Variants in GAK observed in about 807,000 individuals in gnomAD.
GAK encodes cyclin-G-associated kinase.
GAK carries 79 observed loss-of-function variants against 143.9 expected under a neutral mutation model. That is an observed-to-expected ratio of 0.55 (90% CI 0.46 to 0.66). The LOEUF is 0.66. GAK is among the 30% of genes least tolerant of loss of function. The pLI, the probability that GAK is intolerant of heterozygous loss-of-function variation, is 0.00. For synonymous variants in GAK, 881 were observed against 765.5 expected, an observed-to-expected ratio of 1.15 and a Z score of -2.49; for missense variants, 1,693 against 1,779.7, an observed-to-expected ratio of 0.95 and a Z score of 0.88.
chr4:890,420 G>A, intron 10 of GAK, 112 bp downstream of exon 10: 1 of 711,034 alleles, frequency 1.4e-6, no homozygotes, highest in Admixed American at 3.0e-5. Flanking sequence ...ATCTCTGGTG[G>A]GAGAGGAGGC....
At chr4:928,468 C>T (rs1725188072) in intron 1 of GAK, among the ~76,000 whole-genome samples, 1 of 152,186 alleles carries the variant, frequency 6.6e-6, no homozygotes, top group Non-Finnish European at 1.5e-5. Context: ...GAGTTCAAGG[C>T]TGCAGTGAGT....
At chr4:870,455 G>C (rs1278544457) in intron 19 of GAK, among the ~76,000 whole-genome samples, 10 of 152,184 alleles carry the variant, frequency 6.6e-5, no homozygotes, top group Admixed American at 5.2e-4. Context: ...AGGAGCCTGG[G>C]TTTTCCTCCC....
At chr4:912,315 G>A in intron 3 of GAK, 1 of 387,740 alleles carries the variant, frequency 2.6e-6, no homozygotes, top group Non-Finnish European at 5.3e-6. Context: ...CAGTCATGCT[G>A]GGACAGCCTG....
At chr4:864,755 G>C (rs1028605038) in intron 23 of GAK, among the ~76,000 whole-genome samples, 1 of 152,178 alleles carries the variant, frequency 6.6e-6, no homozygotes, top group Non-Finnish European at 1.5e-5. Context: ...CAGGAGGGAA[G>C]AGCCACGGGG....
In GAK at chr4:931,971, GCTGACGCTGCCCC is replaced by G. The variant is rs894325124; in HGVS notation, c.145+59_145+71del. On this transcript the variant is annotated intron_variant, in intron 1 of 27. Coordinates refer to ENST00000314167, the MANE Select transcript of GAK (RefSeq NM_005255.4). Reference sequence around the variant, plus strand: ...CCTAACCCACGCCCTTCCACTCCGGGCTGACGCTGCCCCCAGCGTCCCGGAGACAACACTCCGC... The same window carrying G: ...CCTAACCCACGCCCTTCCACTCCGGGCAGCGTCCCGGAGACAACACTCCGC... The G allele has an allele frequency of 2.6e-6, 3 of 1,136,888 alleles. No individual in the cohort carries two copies. In the African/African-American group the frequency reaches 4.7e-5, roughly 18 times the overall value. 70.4% of individuals were successfully genotyped at this position (1,136,888 alleles called of 1,614,324 possible).
At chr4:859,423 A>C in intron 24 of GAK, 183 bp downstream of exon 24, 1 of 1,558,236 alleles carries the variant, frequency 6.4e-7, no homozygotes, top group East Asian at 2.4e-5. Context: ...TTAGCTTGCC[A>C]GTTGGCAGTC....
At position 904,827 on chromosome 4, in the gene GAK, G is replaced by C. The variant is rs748545721; in HGVS notation, c.383-48C>G. ...TGGAGGCAGGAGAACAGGGTCCGGA[G>C]ACAGGGAACCTAGGGCTGTTTCACG... On this transcript the variant is annotated intron_variant, in intron 4 of 27. Transcript: ENST00000314167. 77 of 1,592,510 alleles carry C rather than the reference G, an allele frequency of 4.8e-5. 6 individuals are homozygous for C. Among genetic ancestry groups the C allele is most frequent in the East Asian group, 1.4e-4 (6 of 44,352 alleles).
At position 926,069 on chromosome 4, in the gene GAK, C is replaced by T. The variant is rs13104238; in HGVS notation, c.145+5974G>A. Among the ~76,000 whole-genome samples the T allele has an allele frequency of 2.1e-3, 309 of 149,116 alleles. 1 individual carries two copies. Among genetic ancestry groups the T allele is most frequent in the African/African-American group, 7.4e-3 (293 of 39,694 alleles). On this transcript the variant is annotated intron_variant, in intron 1 of 27. Transcript: ENST00000314167. ...TAATTCACCCCAAGGGGGTCCTCCC[C>T]CGACAGTGACCTCCCCAAACGTCTA...
At chr4:868,931 G>C (rs992011340) in intron 19 of GAK, 4 of 517,576 alleles carry the variant, frequency 7.7e-6, no homozygotes, top group African/African-American at 1.9e-5. Context: ...ACACGCACAA[G>C]GAACCCACCA....
At chr4:868,442 G>A (rs1254946412) in intron 20 of GAK, 97 bp downstream of exon 20, 33 of 1,331,956 alleles carry the variant, frequency 2.5e-5, no homozygotes, top group South Asian at 1.9e-4. Context: ...CAGCTCTGCC[G>A]GAGGCCCGTC....
chr4:919,409 C>T (rs1334726809), intron 1 of GAK, among the ~76,000 whole-genome samples: 1 of 152,282 alleles, frequency 6.6e-6, no homozygotes, highest in Non-Finnish European at 1.5e-5. Context: ...GCCTTCAGTG[C>T]CGCATGACCT....
chr4:857,085 C>G (rs1749420823), intron 24 of GAK, among the ~76,000 whole-genome samples: 1 of 152,238 alleles, frequency 6.6e-6, no homozygotes, highest in Non-Finnish European at 1.5e-5. Flanking sequence ...CTTTCAATGG[C>G]AAAACCACAA....
At chr4:897,874 A>C in intron 6 of GAK, 159 bp downstream of exon 6, 1 of 718,314 alleles carries the variant, frequency 1.4e-6, no homozygotes, top group Non-Finnish European at 2.1e-6. Context: ...GCTTGAACCC[A>C]GGAGGCGGAG....
At chr4:908,976 A>T (rs959878914) in intron 4 of GAK, among the ~76,000 whole-genome samples, 1 of 152,066 alleles carries the variant, frequency 6.6e-6, no homozygotes, top group African/African-American at 2.4e-5. Context: ...AGTAGCTGGG[A>T]TTACAGGCCC....
At chr4:865,544 A>C (rs1331357925) in intron 22 of GAK, among the ~76,000 whole-genome samples, 1 of 152,150 alleles carries the variant, frequency 6.6e-6, no homozygotes, top group East Asian at 1.9e-4. Flanking sequence ...TTCTGCCGCC[A>C]TCCCCACAGC....
rs1747687979 is a variant in GAK, at chr4:849,579, T to G, written c.*94A>C. The G allele has an allele frequency of 1.0e-6, 1 of 958,456 alleles. No individual in the cohort carries two copies. The highest frequency in any genetic ancestry group is 1.4e-5 in the South Asian group (1 of 71,348). The allele number at this position is 958,456 out of a possible 1,614,324, so 59.4% of individuals were successfully genotyped here. ...CTCGGAGCCCCACCCTGGCCACACC[T>G]GCTGTCGCCCACGGGGTCCTCACGG... On this transcript the variant is annotated 3_prime_UTR_variant, in exon 28 of 28. Transcript: ENST00000314167.
chr4:926,861 C>T (rs1249902), intron 1 of GAK, among the ~76,000 whole-genome samples: 31 of 142,430 alleles, frequency 2.2e-4, no homozygotes, highest in Non-Finnish European at 3.6e-4. Flanking sequence ...ACCTGCGCTC[C>T]GCACTGCCCC....
chr4:903,559 G>C (rs1437614750), intron 5 of GAK, among the ~76,000 whole-genome samples: 5 of 142,360 alleles, frequency 3.5e-5, no homozygotes, highest in Admixed American at 6.9e-5. Flanking sequence ...AGCAGGAGTT[G>C]GGGGCCTGGG....
chr4:904,919 G>T (rs1044165126), intron 4 of GAK, 140 bp from the exon 5 acceptor site: 3 of 792,318 alleles, frequency 3.8e-6, no homozygotes, highest in Non-Finnish European at 6.0e-6. Context: ...AAAACGACCA[G>T]AGGTGACTCC....
Sources: allele counts gnomAD v4.1 joint callset (sites outside exome capture counted in the v4.1 genomes callset), GRCh38; gene constraint gnomAD v4.1.1; transcripts MANE v1.5; gene names NCBI Gene and HGNC (gene_info 2026-07-23, HGNC 2026-07-21).